MGA: variants seen among roughly 807,000 people sequenced by gnomAD.
MGA encodes the protein MAX gene-associated protein.
A neutral mutation model predicts 261.1 loss-of-function variants in MGA; 40 were observed. The observed-to-expected ratio is 0.15, with a 90% CI of 0.12 to 0.20. The LOEUF (loss-of-function observed/expected upper bound fraction) is 0.20, where lower values mean the gene tolerates loss of function less well. Among genes scored for constraint, MGA ranks in the 10% least tolerant of loss-of-function variants. MGA has a pLI of 1.00. For missense variants in MGA, 3,397 were observed against 3,630.5 expected, an observed-to-expected ratio of 0.94 and a Z score of 1.65; for synonymous variants, 1,302 against 1,290.6, an observed-to-expected ratio of 1.01 and a Z score of -0.19.
intron 2 of MGA, among the ~76,000 whole-genome samples, chr15:41,672,888 A>ACACACT (rs2058145829): frequency 6.7e-6 from 1 of 149,086 alleles, no homozygotes; most frequent in Non-Finnish European, 1.5e-5. Context: ...ACACACACAC[A>ACACACT]CACTATTTTC....
intron 2 of MGA, among the ~76,000 whole-genome samples, chr15:41,692,180 A>G (rs1259390120): frequency 1.3e-5 from 2 of 152,066 alleles, no homozygotes; most frequent in Non-Finnish European, 2.9e-5. Context: ...AGTAAATTTC[A>G]GCTCACCTCT....
At chr15:41,763,238 T>C (rs1302684112) in intron 22 of MGA, among the ~76,000 whole-genome samples, 1 of 150,962 alleles carries the variant, frequency 6.6e-6, no homozygotes, top group African/African-American at 2.4e-5. Flanking sequence ...TAGCTAGGAC[T>C]ATAGGCGCCT....
chr15:41,658,318 T>A (rs1455284776), upstream of MGA, among the ~76,000 whole-genome samples: 1 of 152,244 alleles, frequency 6.6e-6, no homozygotes, highest in East Asian at 1.9e-4. Flanking sequence ...TTCTTAAACC[T>A]TCGGTTATAT....
chr15:41,668,443 T>A (rs1158406886), intron 1 of MGA, among the ~76,000 whole-genome samples: 1 of 152,186 alleles, frequency 6.6e-6, no homozygotes, highest in Non-Finnish European at 1.5e-5. Context: ...TATAAAGGAA[T>A]CTTCTGGTAA....
intron 11 of MGA, 61 bp from the exon 12 acceptor site, chr15:41,734,461 G>C (rs1834772235): frequency 2.3e-6 from 3 of 1,315,620 alleles, no homozygotes; most frequent in Non-Finnish European, 2.1e-6. Context: ...TTGTGTCCAA[G>C]TTTCTGTGGG....
intron 1 of MGA, among the ~76,000 whole-genome samples, chr15:41,655,191 T>G (rs1255579958): frequency 1.3e-5 from 2 of 150,964 alleles, no homozygotes; most frequent in Non-Finnish European, 3.0e-5. Context: ...TTTTTTTTTT[T>G]TTTTTGAGAC....
intron 13 of MGA, 86 bp from the exon 14 acceptor site, chr15:41,739,820 C>T: frequency 7.6e-7 from 1 of 1,319,954 alleles, no homozygotes. Flanking sequence ...CTTATGAAAA[C>T]TTGTAAAAAT....
intron 1 of MGA, among the ~76,000 whole-genome samples, chr15:41,653,991 G>T (rs1231975937): frequency 6.6e-6 from 1 of 152,146 alleles, no homozygotes; most frequent in Non-Finnish European, 1.5e-5. Context: ...CCTGTTTTCA[G>T]TGTCTCCCCC....
chr15:41,728,386 C>T lies in MGA; in HGVS notation c.3658-778C>T, dbSNP rs142500403. Among the ~76,000 whole-genome samples the T allele has an allele frequency of 3.0e-3, 464 of 152,258 alleles. 6 individuals carry two copies. The highest frequency in any genetic ancestry group is 1.0e-3 in the Non-Finnish European group (71 of 68,018). On this transcript the variant is annotated intron_variant, in intron 10 of 23. Coordinates refer to ENST00000219905, the MANE Select transcript of MGA (RefSeq NM_001164273.2). Reference sequence around the variant, plus strand: ...CAAGGGTTAGGGCCGCTGATCTCCACGCAGTCCAAATTCTGCATATAATTT... The same window carrying T: ...CAAGGGTTAGGGCCGCTGATCTCCATGCAGTCCAAATTCTGCATATAATTT...
upstream of MGA, among the ~76,000 whole-genome samples, chr15:41,656,363 T>TCTCTCTCTCTCTCTCTC (rs2057187618): frequency 1.5e-5 from 2 of 137,374 alleles, no homozygotes; most frequent in African/African-American, 5.1e-5. Flanking sequence ...TCTCTCTCTC[T>TCTCTCTCTCTCTCTCTC]CTCTCTCTCT....
intron 1 of MGA, among the ~76,000 whole-genome samples, chr15:41,639,955 G>GA (rs2056788253): frequency 6.6e-6 from 1 of 152,166 alleles, no homozygotes; most frequent in Non-Finnish European, 1.5e-5. Context: ...AGATGACTCT[G>GA]AGTGTGCTGA....
chr15:41,734,755 C>T (rs2061682913), intron 12 of MGA, among the ~76,000 whole-genome samples, 161 bp downstream of exon 12: 1 of 151,982 alleles, frequency 6.6e-6, no homozygotes, highest in Non-Finnish European at 1.5e-5. Flanking sequence ...TTTTTTTTCC[C>T]CATTATTTGG....
At chr15:41,671,626 G>T (rs934966048) in intron 2 of MGA, among the ~76,000 whole-genome samples, 2 of 152,144 alleles carry the variant, frequency 1.3e-5, no homozygotes, top group African/African-American at 4.8e-5. Flanking sequence ...ACCGCGCCCG[G>T]CCTGAACTTG....
chr15:41,717,515 G>A (rs1406239978), intron 9 of MGA, among the ~76,000 whole-genome samples: 1 of 152,094 alleles, frequency 6.6e-6, no homozygotes, highest in Non-Finnish European at 1.5e-5. Flanking sequence ...GTCAGTAAAT[G>A]GAGAACTCAG....
upstream of MGA, among the ~76,000 whole-genome samples, chr15:41,657,571 G>C (rs2057232692): frequency 1.3e-5 from 2 of 151,374 alleles, no homozygotes; most frequent in Admixed American, 6.6e-5. Context: ...GGCCAGACTG[G>C]TCTTGAACCC....
intron 2 of MGA, among the ~76,000 whole-genome samples, chr15:41,680,924 GTGT>G (rs1040556230): frequency 6.6e-5 from 10 of 152,280 alleles, no homozygotes; most frequent in South Asian, 4.1e-4. Flanking sequence ...TTTAATCACA[GTGT>G]TGTTGTTTTT....
At chr15:41,745,555 T>C (rs527772814) in intron 15 of MGA, among the ~76,000 whole-genome samples, 7 of 151,268 alleles carry the variant, frequency 4.6e-5, no homozygotes, top group Admixed American at 2.0e-4. Context: ...AGGAAAAACA[T>C]GTAGATATAT....
intron 1 of MGA, among the ~76,000 whole-genome samples, chr15:41,622,397 CCG>C (rs1395686192): frequency 0.018 from 2,783 of 152,030 alleles, 83 homozygotes; most frequent in African/African-American, 0.065. Context: ...AACCGCCACC[CCG>C]CCAAAAAAAA....
chr15:41,764,950 A>G lies in MGA; in HGVS notation c.7809A>G (p.Gln2603=), dbSNP rs532169928. 39 of 1,614,024 alleles carry G rather than the reference A, an allele frequency of 2.4e-5. No individual in the cohort carries two copies. The South Asian group carries it at 3.7e-4, about 15-fold the overall frequency. Residue 2603 remains glutamine, a synonymous_variant, in exon 23 of 24, where the codon CAA becomes CAG. Coordinates refer to ENST00000219905, the MANE Select transcript of MGA (RefSeq NM_001164273.2). ...ACCTTGTGATGACTCCGCAAGGGCAATTGCTCACCCTAAAAGGTCCCCTAT... is the reference window on the plus strand; with the variant it reads ...ACCTTGTGATGACTCCGCAAGGGCAGTTGCTCACCCTAAAAGGTCCCCTAT...
Sources: gnomAD v4.1 joint callset for allele counts (sites outside exome capture counted in the v4.1 genomes callset) on GRCh38, gnomAD v4.1.1 for gene constraint, MANE v1.5 for transcripts, NCBI Gene and HGNC (gene_info 2026-07-23, HGNC 2026-07-21) for gene names.